BTBD9: variants seen among roughly 807,000 people sequenced by gnomAD.
BTBD9 encodes BTB domain containing 9.
BTBD9 carries 49 observed loss-of-function variants against 64.3 expected under a neutral mutation model. That is an observed-to-expected ratio of 0.76 (90% confidence interval 0.61 to 0.97). The LOEUF is 0.97. BTBD9 is among the 50% of genes least tolerant of loss of function. The pLI, the probability that BTBD9 is intolerant of heterozygous loss-of-function variation, is 0.00. For synonymous variants in BTBD9, 260 were observed against 274.7 expected (o/e 0.95, Z 0.53); for missense variants, 598 against 762.1 (o/e 0.78, Z 2.53).
chr6:38,580,971 T>A (rs183206998), intron 4 of BTBD9, among the ~76,000 whole-genome samples: 166 of 152,310 alleles, frequency 1.1e-3, no homozygotes, highest in African/African-American at 3.8e-3. Context: ...GGTGGGCGGA[T>A]CACCTGAGGT....
At chr6:38,379,141 G>A (rs1765821978) in intron 6 of BTBD9, among the ~76,000 whole-genome samples, 1 of 152,196 alleles carries the variant, frequency 6.6e-6, no homozygotes, top group South Asian at 2.1e-4. Context: ...CCACATGTAG[G>A]CTTGGGGAAA....
rs182483952 is a variant in BTBD9, at chr6:38,311,240, C to T, written c.1265-22779G>A. On this transcript the variant is annotated intron_variant, in intron 7 of 10. Transcript: ENST00000481247. ...ATCTATTAACCATCCCCACTTGCCC[C>T]CTACCCACCCACTGCCTTTCACAGT... Among the ~76,000 whole-genome samples the T allele has an allele frequency of 2.2e-3, 328 of 152,028 alleles. 2 individuals are homozygous for T. Among genetic ancestry groups the T allele is most frequent in the Admixed American group, 8.0e-3 (122 of 15,264 alleles).
At chr6:38,277,988 G>C (rs143338631) in intron 8 of BTBD9, among the ~76,000 whole-genome samples, 3 of 152,170 alleles carry the variant, frequency 2.0e-5, no homozygotes, top group Non-Finnish European at 2.9e-5. Context: ...AGGGCTGACC[G>C]TATGACATAG....
intron 4 of BTBD9, among the ~76,000 whole-genome samples, chr6:38,586,624 A>G (rs1411027290): frequency 6.6e-6 from 1 of 152,192 alleles, no homozygotes; most frequent in Non-Finnish European, 1.5e-5. Flanking sequence ...AACAACAACA[A>G]AACCAAATTC....
At chr6:38,449,753 A>G (rs1769434652) in intron 6 of BTBD9, among the ~76,000 whole-genome samples, 1 of 152,000 alleles carries the variant, frequency 6.6e-6, no homozygotes, top group Non-Finnish European at 1.5e-5. Flanking sequence ...TTTTTAAAAA[A>G]GAAAAAAAAA....
chr6:38,579,419 G>C (rs1419398960), intron 5 of BTBD9, among the ~76,000 whole-genome samples: 2 of 152,304 alleles, frequency 1.3e-5, no homozygotes, highest in South Asian at 2.1e-4. Flanking sequence ...AGCAATGAAG[G>C]AAACAGTTCA....
At chr6:38,593,222 G>T (rs1484818596) in intron 3 of BTBD9, among the ~76,000 whole-genome samples, 1 of 152,150 alleles carries the variant, frequency 6.6e-6, no homozygotes, top group African/African-American at 2.4e-5. Context: ...TTCAAATTTT[G>T]TTCCACAGTA....
chr6:38,520,226 G>A (rs969113030), intron 6 of BTBD9, among the ~76,000 whole-genome samples: 6 of 152,074 alleles, frequency 3.9e-5, no homozygotes, highest in Non-Finnish European at 8.8e-5. Flanking sequence ...GGCTGAGGTG[G>A]GTAGATAACC....
chr6:38,469,542 G>A (rs774667200), intron 6 of BTBD9, among the ~76,000 whole-genome samples: 3 of 151,930 alleles, frequency 2.0e-5, no homozygotes, highest in South Asian at 2.1e-4. Context: ...GGATGGTCTC[G>A]ATCTCCTGAC....
chr6:38,429,879 T>C (rs1035290770), intron 6 of BTBD9, among the ~76,000 whole-genome samples: 1 of 151,968 alleles, frequency 6.6e-6, no homozygotes. Flanking sequence ...TTATGCTGAA[T>C]GAAAATTCCA....
At chr6:38,487,985 G>A (rs1562252992) in intron 6 of BTBD9, among the ~76,000 whole-genome samples, 1 of 152,142 alleles carries the variant, frequency 6.6e-6, no homozygotes, top group Non-Finnish European at 1.5e-5. Context: ...TGAAATAGGT[G>A]TAATAGAGAA....
intron 6 of BTBD9, among the ~76,000 whole-genome samples, chr6:38,569,778 G>A (rs972665253): frequency 2.0e-5 from 3 of 152,032 alleles, no homozygotes; most frequent in South Asian, 2.1e-4. Context: ...AAACATGGCG[G>A]GGTTTTGGGG....
At chr6:38,303,874 T>TATATATATATACATAC (rs368257334) in intron 7 of BTBD9, among the ~76,000 whole-genome samples, 2 of 82,650 alleles carry the variant, frequency 2.4e-5, no homozygotes, top group Non-Finnish European at 4.7e-5. Flanking sequence ...TATATATATA[T>TATATATATATACATAC]ACACACACAC....
chr6:38,398,303 T>C (rs925713014), intron 6 of BTBD9, among the ~76,000 whole-genome samples: 1 of 152,128 alleles, frequency 6.6e-6, no homozygotes, highest in East Asian at 1.9e-4. Flanking sequence ...AAATATAAAA[T>C]TGTACTTGTG....
chr6:38,501,992 CT>C (rs1772222992), intron 6 of BTBD9, among the ~76,000 whole-genome samples: 1 of 152,078 alleles, frequency 6.6e-6, no homozygotes, highest in Non-Finnish European at 1.5e-5. Flanking sequence ...GAATAAAGGG[CT>C]CCTGGGAACA....
At position 38,176,831 on chromosome 6, in the gene BTBD9, G is replaced by A. The variant is rs117772666; in HGVS notation, c.1642-1649C>T. 6.0e-3 allele frequency among the ~76,000 whole-genome samples: 916 copies of A among 152,210 alleles called. 26 individuals are homozygous for A. The highest frequency in any genetic ancestry group is 0.043 in the East Asian group (223 of 5,172). ...GTAACAACACCGCCCTGGGCATGTC[G>A]GCCACTCATGGGTCACTTGCCTTAT... On this transcript the variant is annotated intron_variant, in intron 10 of 10. Coordinates refer to ENST00000481247, the MANE Select transcript of BTBD9 (RefSeq NM_001099272.2).
chr6:38,378,221 C>A (rs1372517873), intron 6 of BTBD9, among the ~76,000 whole-genome samples: 2 of 151,564 alleles, frequency 1.3e-5, no homozygotes, highest in Non-Finnish European at 2.9e-5. Flanking sequence ...TGAAGAACAT[C>A]TAAAAATCAT....
At chr6:38,502,532 GA>G (rs1276807776) in intron 6 of BTBD9, among the ~76,000 whole-genome samples, 5 of 152,198 alleles carry the variant, frequency 3.3e-5, no homozygotes, top group Non-Finnish European at 2.9e-5. Flanking sequence ...AGGACTCTGA[GA>G]ATGTCCTATA....
intron 7 of BTBD9, among the ~76,000 whole-genome samples, chr6:38,307,700 G>C (rs10484930): frequency 0.097 from 14,829 of 152,134 alleles, 1,733 homozygotes; most frequent in East Asian, 0.4. Context: ...TTTTACATTA[G>C]CAAGGTTGCC....
Sources: gnomAD v4.1 joint callset for allele counts (sites outside exome capture counted in the v4.1 genomes callset) on GRCh38, gnomAD v4.1.1 for gene constraint, MANE v1.5 for transcripts, NCBI Gene and HGNC (gene_info 2026-07-23, HGNC 2026-07-21) for gene names.